The following CNTLN variants were observed in gnomAD, a reference collection of about 807,000 sequenced individuals.
CNTLN encodes the protein centlein, centrosomal protein.
In CNTLN, 212 loss-of-function variants were observed where a neutral mutation model predicts 180.0. The ratio of observed to expected loss-of-function variants is 1.18; its 90% CI spans 1.05 to 1.32. The LOEUF is 1.32. Ranked by LOEUF, CNTLN falls within the 40% of genes most tolerant of loss-of-function variation. The probability of loss-of-function intolerance (pLI) is 0.00; values close to 1 mark genes in which losing one functional copy is unlikely to be tolerated. For missense variants in CNTLN, 2,095 were observed against 1,610.9 expected (o/e 1.30, Z -5.14); for synonymous variants, 722 against 563.1 (o/e 1.28, Z -3.99).
At chr9:17,425,904 G>C (rs1029223708) in intron 18 of CNTLN, among the ~76,000 whole-genome samples, 1 of 152,136 alleles carries the variant, frequency 6.6e-6, no homozygotes, top group Non-Finnish European at 1.5e-5. Flanking sequence ...AAACTGAACA[G>C]AAATTATTAA....
At chr9:17,149,220 A>G (rs1818668599) in intron 2 of CNTLN, among the ~76,000 whole-genome samples, 2 of 152,102 alleles carry the variant, frequency 1.3e-5, no homozygotes, top group Admixed American at 1.3e-4. Flanking sequence ...TCTATCATTG[A>G]TGGACATTTG....
intron 4 of CNTLN, among the ~76,000 whole-genome samples, 166 bp downstream of exon 4, chr9:17,235,958 T>G (rs1408417720): frequency 2.0e-5 from 3 of 152,140 alleles, no homozygotes; most frequent in Non-Finnish European, 4.4e-5. Context: ...TAAAGATGCT[T>G]TAAAGCCAGA....
intron 25 of CNTLN, among the ~76,000 whole-genome samples, chr9:17,495,600 A>T (rs1034201170): frequency 1.3e-5 from 2 of 152,176 alleles, no homozygotes; most frequent in Non-Finnish European, 2.9e-5. Flanking sequence ...AAGTAAAGTT[A>T]CAGTAAGCTA....
At chr9:17,143,074 A>G (rs1464549929) in intron 1 of CNTLN, among the ~76,000 whole-genome samples, 1 of 152,232 alleles carries the variant, frequency 6.6e-6, no homozygotes, top group Non-Finnish European at 1.5e-5. Flanking sequence ...GCATCCCAAA[A>G]TATAGGTGAT....
chr9:17,438,135 C>T (rs1447222619), intron 18 of CNTLN, among the ~76,000 whole-genome samples: 2 of 151,896 alleles, frequency 1.3e-5, no homozygotes, highest in Non-Finnish European at 2.9e-5. Context: ...GACCGTAGAC[C>T]AATTAAATTT....
chr9:17,411,664 T>C (rs1200577613), intron 16 of CNTLN, among the ~76,000 whole-genome samples: 2 of 152,104 alleles, frequency 1.3e-5, no homozygotes, highest in African/African-American at 2.4e-5. Flanking sequence ...GACTCTCACA[T>C]AAGCATGAAC....
At chr9:17,458,138 A>G (rs192856177) in intron 19 of CNTLN, among the ~76,000 whole-genome samples, 234 of 151,438 alleles carry the variant, frequency 1.5e-3, no homozygotes, top group South Asian at 2.9e-3. Context: ...TCTCCCTCCC[A>G]TTTATCTCCT....
chr9:17,369,799 CAA>C (rs1011806534), intron 13 of CNTLN, among the ~76,000 whole-genome samples: 3 of 151,496 alleles, frequency 2.0e-5, no homozygotes, highest in African/African-American at 7.3e-5. Context: ...TGAGCCTGGC[CAA>C]TATGGTGGAA....
chr9:17,266,045 C>G (rs1035569478), intron 5 of CNTLN, among the ~76,000 whole-genome samples: 12 of 151,956 alleles, frequency 7.9e-5, no homozygotes, highest in African/African-American at 2.2e-4. Flanking sequence ...TCCTTCAGTT[C>G]TGCTCTGATG....
intron 6 of CNTLN, among the ~76,000 whole-genome samples, chr9:17,294,729 G>C (rs1266496798): frequency 1.5e-5 from 2 of 134,232 alleles, no homozygotes; most frequent in Non-Finnish European, 3.2e-5. Context: ...GCAGGGGGCA[G>C]AGCTCGTCGG....
chr9:17,240,097 A>G (rs1182355547), intron 5 of CNTLN, among the ~76,000 whole-genome samples: 1 of 150,372 alleles, frequency 6.7e-6, no homozygotes, highest in African/African-American at 2.5e-5. Context: ...ATCCATCAAC[A>G]TGTGATGTTT....
At position 17,135,276 on chromosome 9, in the gene CNTLN, G is replaced by C. The variant is rs1259640199; in HGVS notation, c.211G>C (p.Gly71Arg). 1 of 1,602,206 alleles carries C rather than the reference G, an allele frequency of 6.2e-7. No individual in the cohort carries two copies. The highest frequency in any genetic ancestry group is 8.5e-7 in the Non-Finnish European group (1 of 1,175,072). ...EGSGGRRGPG[G>R]AAPAHAPLLS... Reference sequence around the variant, plus strand: ...GTCAGGGGGCCGGCGAGGGCCTGGGGGGGCAGCTCCGGCTCATGCTCCCCT... The same window carrying C: ...GTCAGGGGGCCGGCGAGGGCCTGGGCGGGCAGCTCCGGCTCATGCTCCCCT... Residue 71 changes from glycine (G) to arginine (R), a missense_variant, in exon 1 of 26, where the codon GGG becomes CGG. Physicochemically the swap from Gly to Arg is moderately radical, Grantham distance 125. Transcript: ENST00000380647.
intron 12 of CNTLN, among the ~76,000 whole-genome samples, chr9:17,342,892 G>T (rs554177100): frequency 6.6e-6 from 1 of 152,316 alleles, no homozygotes; most frequent in Admixed American, 6.5e-5. Context: ...TTATGGTGTA[G>T]CCTTGCTGCT....
chr9:17,217,358 A>C (rs1039690485), intron 2 of CNTLN, among the ~76,000 whole-genome samples: 3 of 152,256 alleles, frequency 2.0e-5, no homozygotes, highest in African/African-American at 7.2e-5. Flanking sequence ...TGGGGAAGAA[A>C]GTATTATGCA....
Position 17,143,444 on chromosome 9 carries a change from T to G in CNTLN, c.449+68T>G, listed in dbSNP as rs1181748075. On this transcript the variant is annotated intron_variant, in intron 2 of 25. Coordinates refer to ENST00000380647, the MANE Select transcript of CNTLN (RefSeq NM_017738.4). ...AGTTTGTTTCTCTTCATTATTAAAGTTAGTACTTATCATTAATCTCCTAAA... is the reference window on the plus strand; with the variant it reads ...AGTTTGTTTCTCTTCATTATTAAAGGTAGTACTTATCATTAATCTCCTAAA... 21 of 1,090,974 alleles carry G rather than the reference T, an allele frequency of 1.9e-5. No homozygotes were observed. The Admixed American group carries it at 2.7e-4, about 14-fold the overall frequency. 67.6% of individuals were successfully genotyped at this position (1,090,974 alleles called of 1,614,324 possible).
At chr9:17,242,725 G>A (rs145499072) in intron 5 of CNTLN, among the ~76,000 whole-genome samples, 6 of 152,276 alleles carry the variant, frequency 3.9e-5, no homozygotes, top group African/African-American at 1.4e-4. Context: ...TGGTCATGAT[G>A]AATGATCTTT....
intron 18 of CNTLN, among the ~76,000 whole-genome samples, chr9:17,448,778 A>T (rs1247698352): frequency 6.6e-6 from 1 of 152,100 alleles, no homozygotes; most frequent in Non-Finnish European, 1.5e-5. Context: ...TCTTACTGCC[A>T]CTCAACTCCA....
chr9:17,379,532 C>G (rs1325104883), intron 13 of CNTLN, among the ~76,000 whole-genome samples: 1 of 152,120 alleles, frequency 6.6e-6, no homozygotes, highest in African/African-American at 2.4e-5. Flanking sequence ...AAGCAGTAAG[C>G]TGGGGTAATT....
intron 5 of CNTLN, among the ~76,000 whole-genome samples, chr9:17,253,719 C>T (rs1435190354): frequency 1.3e-5 from 2 of 149,536 alleles, no homozygotes; most frequent in East Asian, 1.9e-4. Flanking sequence ...CAAAGAGGGA[C>T]AGTTTGACTT....
Sources: gnomAD v4.1 joint callset for allele counts (sites outside exome capture counted in the v4.1 genomes callset) on GRCh38, gnomAD v4.1.1 for gene constraint, MANE v1.5 for transcripts, NCBI Gene and HGNC (gene_info 2026-07-23, HGNC 2026-07-21) for gene names.